The following ADAM7 variants were observed in gnomAD, a reference collection of about 807,000 sequenced individuals.
ADAM7 encodes the protein ADAM metallopeptidase domain 7.
Under a neutral mutation model 102.9 loss-of-function variants are expected in ADAM7, and 97 were observed. That is an observed-to-expected ratio of 0.94 (90% confidence interval 0.80 to 1.12). The LOEUF is 1.12. Among genes scored for constraint, ADAM7 ranks in the 50% most tolerant of loss-of-function variants. ADAM7 has a pLI of 0.00. For synonymous variants in ADAM7, 334 were observed against 304.4 expected (o/e 1.10, Z -1.01); for missense variants, 991 against 908.7 (o/e 1.09, Z -1.16).
chr8:24,492,867 C>T (rs1221549286), intron 15 of ADAM7, among the ~76,000 whole-genome samples, 176 bp from the exon 16 acceptor site: 3 of 152,118 alleles, frequency 2.0e-5, no homozygotes, highest in Non-Finnish European at 4.4e-5. Context: ...TTTACGGACT[C>T]ATCTCAGTTC....
chr8:24,442,467 T>A lies in ADAM7; in HGVS notation c.53-6T>A, dbSNP rs754977167. 10 of 1,603,478 alleles carry A rather than the reference T, an allele frequency of 6.2e-6. No homozygotes were observed. The highest frequency in any genetic ancestry group is 3.3e-5 in the Admixed American group (2 of 60,016). On this transcript the variant is annotated splice_polypyrimidine_tract_variant and splice_region_variant and intron_variant, in intron 1 of 21. Coordinates refer to ENST00000175238, the MANE Select transcript of ADAM7 (RefSeq NM_003817.4). ...ACGGATTTTTTCCTCTTATGTTTCC[T>A]CGTAGAAAAGTTCATCCTTGGAGTA...
intron 19 of ADAM7, 86 bp downstream of exon 19, chr8:24,500,981 G>C (rs1820740117): frequency 8.8e-7 from 1 of 1,129,972 alleles, no homozygotes. Flanking sequence ...TATTCAATGG[G>C]GGGAAGTATA....
chr8:24,467,028 C>T, intron 6 of ADAM7, 40 bp downstream of exon 6: 1 of 1,533,010 alleles, frequency 6.5e-7, no homozygotes, highest in South Asian at 1.1e-5. Context: ...AATGAAACAC[C>T]TTTTATTTTC....
chr8:24,443,492 C>T (rs887111227), intron 2 of ADAM7, among the ~76,000 whole-genome samples: 1 of 152,168 alleles, frequency 6.6e-6, no homozygotes, highest in African/African-American at 2.4e-5. Flanking sequence ...CTTTAATATG[C>T]GACTCTATTC....
intron 3 of ADAM7, among the ~76,000 whole-genome samples, chr8:24,448,405 T>A (rs1818646682): frequency 6.6e-6 from 1 of 152,128 alleles, no homozygotes; most frequent in African/African-American, 2.4e-5. Flanking sequence ...GTTAGTGAAT[T>A]GTACACACAG....
intron 17 of ADAM7, 107 bp downstream of exon 17, chr8:24,499,423 T>G: frequency 1.3e-6 from 1 of 771,406 alleles, no homozygotes; most frequent in Non-Finnish European, 1.9e-6. Context: ...TTTTTGCTGC[T>G]TTCTAAATCA....
intron 8 of ADAM7, among the ~76,000 whole-genome samples, chr8:24,480,562 C>T (rs1025548785): frequency 6.6e-6 from 1 of 152,076 alleles, no homozygotes; most frequent in Non-Finnish European, 1.5e-5. Flanking sequence ...TAAAGCATGG[C>T]TTTTATTTTA....
At chr8:24,448,324 TG>T (rs1818643308) in intron 3 of ADAM7, among the ~76,000 whole-genome samples, 1 of 152,130 alleles carries the variant, frequency 6.6e-6, no homozygotes, top group Non-Finnish European at 1.5e-5. Flanking sequence ...TACCCCAGGC[TG>T]CCTAGGCCTC....
chr8:24,464,371 G>T (rs1819354274), intron 4 of ADAM7, among the ~76,000 whole-genome samples: 1 of 152,002 alleles, frequency 6.6e-6, no homozygotes, highest in African/African-American at 2.4e-5. Context: ...CCCTTGCCCG[G>T]TTTTTCTGAC....
chr8:24,464,866 A>G (rs1269954712), intron 4 of ADAM7, among the ~76,000 whole-genome samples: 1 of 118,996 alleles, frequency 8.4e-6, no homozygotes, highest in African/African-American at 3.0e-5. Flanking sequence ...AGCTCACTGC[A>G]ACCTCCGCCT....
intron 3 of ADAM7, 74 bp from the exon 4 acceptor site, chr8:24,463,808 C>A: frequency 7.9e-7 from 1 of 1,259,986 alleles, no homozygotes; most frequent in Non-Finnish European, 1.1e-6. Context: ...GACACTTCTC[C>A]ATCACATTAT....
intron 3 of ADAM7, among the ~76,000 whole-genome samples, chr8:24,448,987 C>A (rs1240223785): frequency 2.0e-5 from 3 of 152,060 alleles, no homozygotes; most frequent in East Asian, 1.9e-4. Flanking sequence ...TGAACTCATC[C>A]TTTTTTATGG....
chr8:24,496,437 C>G (rs1308153322), intron 16 of ADAM7, among the ~76,000 whole-genome samples: 2 of 152,198 alleles, frequency 1.3e-5, no homozygotes, highest in Non-Finnish European at 2.9e-5. Flanking sequence ...CCAATGTCCT[C>G]CAGACCCTGG....
chr8:24,467,997 G>A (rs1819485221), intron 6 of ADAM7, among the ~76,000 whole-genome samples: 1 of 152,078 alleles, frequency 6.6e-6, no homozygotes, highest in Admixed American at 6.6e-5. Flanking sequence ...CCCAGGAGGT[G>A]GAAGGTTGCG....
intron 17 of ADAM7, 42 bp downstream of exon 17, chr8:24,499,358 T>C (rs1489745822): frequency 7.5e-6 from 11 of 1,472,642 alleles, no homozygotes; most frequent in Non-Finnish European, 1.0e-5. Context: ...TTATCAGCCA[T>C]ATATTTACTT....
intron 20 of ADAM7, 62 bp downstream of exon 20, chr8:24,501,638 T>G: frequency 1.5e-6 from 2 of 1,308,132 alleles, no homozygotes; most frequent in Non-Finnish European, 2.1e-6. Context: ...TAGCTGAATG[T>G]GTTTAAAGTA....
chr8:24,492,186 T>C (rs1820383101), intron 14 of ADAM7, 88 bp downstream of exon 14: 2 of 1,270,976 alleles, frequency 1.6e-6, no homozygotes, highest in East Asian at 4.7e-5. Context: ...CAAGATCAGA[T>C]ATAATGTCAT....
intron 3 of ADAM7, among the ~76,000 whole-genome samples, chr8:24,453,319 G>C (rs1210563414): frequency 1.3e-5 from 2 of 152,048 alleles, no homozygotes; most frequent in Non-Finnish European, 2.9e-5. Flanking sequence ...TTTTCACATA[G>C]TCCCATATTT....
intron 3 of ADAM7, among the ~76,000 whole-genome samples, chr8:24,459,730 G>T (rs1819172445): frequency 6.6e-6 from 1 of 152,128 alleles, no homozygotes; most frequent in Non-Finnish European, 1.5e-5. Flanking sequence ...AAAGTGTCAG[G>T]ATTACAAGAG....
Sources: allele counts gnomAD v4.1 joint callset (sites outside exome capture counted in the v4.1 genomes callset), GRCh38; gene constraint gnomAD v4.1.1; transcripts MANE v1.5; gene names NCBI Gene and HGNC (gene_info 2026-07-23, HGNC 2026-07-21).